Variants in DACH2 observed in about 807,000 individuals in gnomAD.
DACH2 encodes dachshund homolog 2.
A neutral mutation model predicts 35.8 loss-of-function variants in DACH2; 17 were observed. That is an observed-to-expected ratio of 0.48 (90% confidence interval 0.33 to 0.71). DACH2 has a LOEUF of 0.71. DACH2 is among the 30% of genes least tolerant of loss of function. The pLI is 0.02. For missense variants in DACH2, 469 were observed against 472.7 expected (o/e 0.99, Z 0.07); for synonymous variants, 195 against 177.3 (o/e 1.10, Z -0.79).
chrX:86,639,076 A>G (rs756318396), intron 3 of DACH2, among the ~76,000 whole-genome samples: 1 of 112,344 alleles, frequency 8.9e-6, no homozygotes, highest in South Asian at 3.7e-4. Context: ...ATGGCCAACT[A>G]GAAGCAGCTA....
chrX:86,588,189 C>T (rs777128761), intron 3 of DACH2, among the ~76,000 whole-genome samples: 2 of 110,508 alleles, frequency 1.8e-5, no homozygotes, highest in Non-Finnish European at 3.8e-5. Flanking sequence ...AGGGGTGCAG[C>T]CTTTTTTCTA....
At chrX:86,343,959 A>G (rs1288744251) in intron 1 of DACH2, among the ~76,000 whole-genome samples, 1 of 110,462 alleles carries the variant, frequency 9.1e-6, no homozygotes, top group Non-Finnish European at 1.9e-5. Flanking sequence ...AATGGATACA[A>G]AAATATCATG....
intron 1 of DACH2, among the ~76,000 whole-genome samples, chrX:86,200,740 C>G (rs745742652): frequency 3.1e-4 from 34 of 108,348 alleles, no homozygotes; most frequent in South Asian, 3.9e-4. Context: ...AATGAGATAC[C>G]ATCTCATACC....
intron 3 of DACH2, among the ~76,000 whole-genome samples, chrX:86,645,388 GA>G (rs991578299): frequency 1.3e-4 from 14 of 110,050 alleles, no homozygotes; most frequent in Admixed American, 6.7e-4. Flanking sequence ...TCATGAAAAA[GA>G]AAAAAAATTA....
intron 1 of DACH2, among the ~76,000 whole-genome samples, chrX:86,313,779 G>T (rs2034844652): frequency 9.0e-6 from 1 of 111,357 alleles, no homozygotes; most frequent in Non-Finnish European, 1.9e-5. Context: ...TCATTTTATT[G>T]GACTTCACTT....
At chrX:86,657,680 C>T (rs187687470) in intron 4 of DACH2, among the ~76,000 whole-genome samples, 1 of 110,956 alleles carries the variant, frequency 9.0e-6, no homozygotes, top group Non-Finnish European at 1.9e-5. Flanking sequence ...GTTTGTGTAG[C>T]CAGAAAATTT....
chrX:86,149,424 T>C (rs758604021), intron 1 of DACH2, among the ~76,000 whole-genome samples: 17 of 112,291 alleles, frequency 1.5e-4, no homozygotes, highest in African/African-American at 5.2e-4. Context: ...TGTTAATTTC[T>C]CTATTTGGTT....
intron 2 of DACH2, among the ~76,000 whole-genome samples, chrX:86,473,906 G>A (rs2037799261): frequency 1.8e-5 from 2 of 111,508 alleles, no homozygotes; most frequent in Non-Finnish European, 3.8e-5. Context: ...ATGGAATACA[G>A]TAGCTCTATT....
chrX:86,645,581 C>G (rs2040405600), intron 3 of DACH2, among the ~76,000 whole-genome samples: 1 of 110,635 alleles, frequency 9.0e-6, no homozygotes, highest in South Asian at 3.8e-4. Flanking sequence ...AAGCATTCTA[C>G]CAGAAAGGCA....
chrX:86,148,704 G>T lies in DACH2; in HGVS notation c.84G>T (p.Leu28=). Residue 28 remains leucine, a synonymous_variant, in exon 1 of 12, where the codon CTG becomes CTT. Transcript: ENST00000373125. ...GGGGCTTATTCCGGGCCGAACCCCT[G>T]TACTCGACTCCCAGAGAGCCCCCTC... ...VPGGLFRAEP[L]YSTPREPPRL... 8.3e-7 allele frequency: 1 copy of T among 1,210,302 alleles called. No homozygotes were observed. Among genetic ancestry groups the T allele is most frequent in the Non-Finnish European group, 1.1e-6 (1 of 894,898 alleles).
chrX:86,474,630 T>C (rs1170075326), intron 2 of DACH2, among the ~76,000 whole-genome samples: 2 of 112,619 alleles, frequency 1.8e-5, no homozygotes, highest in African/African-American at 6.5e-5. Flanking sequence ...TCCCAGTATA[T>C]GTTCTTGCCA....
At chrX:86,360,777 A>G (rs1162365465) in intron 1 of DACH2, among the ~76,000 whole-genome samples, 2 of 111,671 alleles carry the variant, frequency 1.8e-5, no homozygotes, top group Non-Finnish European at 3.8e-5. Flanking sequence ...ACTCAGATAA[A>G]TAACCAATGT....
intron 1 of DACH2, among the ~76,000 whole-genome samples, chrX:86,285,676 C>T (rs754054363): frequency 9.0e-6 from 1 of 111,485 alleles, no homozygotes; most frequent in African/African-American, 3.3e-5. Flanking sequence ...CTATTATGTT[C>T]ATTCGGCCTA....
intron 2 of DACH2, among the ~76,000 whole-genome samples, chrX:86,417,112 A>G (rs1196545946): frequency 9.6e-6 from 1 of 104,551 alleles, no homozygotes; most frequent in Non-Finnish European, 2.0e-5. Flanking sequence ...AAAAAAAAAA[A>G]AAAGAAACCA....
intron 1 of DACH2, among the ~76,000 whole-genome samples, chrX:86,338,212 G>C (rs1369154762): frequency 3.6e-5 from 4 of 111,236 alleles, no homozygotes; most frequent in Non-Finnish European, 7.5e-5. Context: ...TGGACCAAGT[G>C]GACCTAATAG....
At chrX:86,466,647 C>A (rs1046230202) in intron 2 of DACH2, among the ~76,000 whole-genome samples, 1 of 112,005 alleles carries the variant, frequency 8.9e-6, no homozygotes, top group African/African-American at 3.2e-5. Context: ...TTCTTAGGTA[C>A]AATGGGGGTA....
chrX:86,667,410 G>GA (rs1169446794), intron 4 of DACH2, among the ~76,000 whole-genome samples: 2 of 82,997 alleles, frequency 2.4e-5, no homozygotes, highest in South Asian at 5.9e-4. Context: ...GAAAAGAAGA[G>GA]AAAAAAAGAA....
intron 2 of DACH2, among the ~76,000 whole-genome samples, chrX:86,490,470 T>C (rs1226399116): frequency 9.0e-6 from 1 of 111,358 alleles, no homozygotes; most frequent in Non-Finnish European, 1.9e-5. Context: ...GGGAGATGGC[T>C]CTAAGAAATA....
intron 1 of DACH2, among the ~76,000 whole-genome samples, chrX:86,290,540 GT>G (rs2034261759): frequency 9.6e-6 from 1 of 104,018 alleles, no homozygotes; most frequent in Non-Finnish European, 2.0e-5. Flanking sequence ...TTCTTCTAGG[GT>G]TTTTATGGTT....
Sources: gnomAD v4.1 joint callset for allele counts (sites outside exome capture counted in the v4.1 genomes callset) on GRCh38, gnomAD v4.1.1 for gene constraint, MANE v1.5 for transcripts, NCBI Gene and HGNC (gene_info 2026-07-23, HGNC 2026-07-21) for gene names.